Variants in RPTOR observed in about 807,000 individuals in gnomAD.
The protein encoded by RPTOR is regulatory associated protein of MTOR complex 1, also known as regulatory-associated protein of mTOR.
In RPTOR, 21 loss-of-function variants were observed where a neutral mutation model predicts 169.9. The ratio of observed to expected loss-of-function variants is 0.12; its 90% CI spans 0.09 to 0.18. The LOEUF (loss-of-function observed/expected upper bound fraction) is 0.18, where lower values mean the gene tolerates loss of function less well. Ranked by LOEUF, RPTOR falls within the 10% of genes least tolerant of loss-of-function variation. RPTOR has a pLI of 1.00. For missense variants in RPTOR, 1,133 were observed against 1,855.9 expected, an observed-to-expected ratio of 0.61 and a Z score of 7.16; for synonymous variants, 732 against 753.2, an observed-to-expected ratio of 0.97 and a Z score of 0.46.
At chr17:80,907,644 C>G (rs180926640) in intron 20 of RPTOR, among the ~76,000 whole-genome samples, 2 of 143,882 alleles carry the variant, frequency 1.4e-5, no homozygotes, top group Admixed American at 6.9e-5. Flanking sequence ...CCTGCCCCCC[C>G]TTCTGGTTTC....
intron 7 of RPTOR, among the ~76,000 whole-genome samples, chr17:80,817,601 T>G (rs2067337363): frequency 2.7e-5 from 4 of 146,262 alleles, no homozygotes; most frequent in Non-Finnish European, 3.0e-5. Flanking sequence ...GCAGGCAGAG[T>G]GATGGGGCAA....
At chr17:80,937,008 C>T (rs1158573663) in intron 24 of RPTOR, among the ~76,000 whole-genome samples, 2 of 152,216 alleles carry the variant, frequency 1.3e-5, no homozygotes, top group Non-Finnish European at 2.9e-5. Context: ...TCTTCCTCTG[C>T]TGCCTCTGTC....
intron 7 of RPTOR, among the ~76,000 whole-genome samples, chr17:80,816,430 G>C (rs1387363647): frequency 2.6e-5 from 4 of 152,342 alleles, no homozygotes; most frequent in Admixed American, 1.3e-4. Context: ...ACCAGCAGTG[G>C]AGAAGATGGA....
chr17:80,960,381 G>A lies in RPTOR; in HGVS notation c.3605+176G>A, dbSNP rs554609479. On this transcript the variant is annotated intron_variant, in intron 30 of 33. Coordinates refer to ENST00000306801, the MANE Select transcript of RPTOR (RefSeq NM_020761.3). The surrounding 1 kb of genome is among the most constrained non-coding windows in gnomAD (Gnocchi z 4.8). ...TGGGCTCCCCAAAGCCGCCAGGCCC[G>A]TCCCACTGAGGCCCATCCCACAAAG... 2.0e-5 allele frequency among the ~76,000 whole-genome samples: 3 copies of A among 152,316 alleles called. No homozygotes were observed. The highest frequency in any genetic ancestry group is 1.9e-4 in the East Asian group (1 of 5,188).
intron 2 of RPTOR, among the ~76,000 whole-genome samples, chr17:80,629,119 C>G (rs763452711): frequency 6.7e-6 from 1 of 149,362 alleles, no homozygotes; most frequent in Admixed American, 6.6e-5. Context: ...ACTCAGCTCT[C>G]TATGTATTGT....
At position 80,846,457 on chromosome 17, in the gene RPTOR, T is replaced by A; in HGVS notation, c.1213-16T>A. The A allele has an allele frequency of 6.2e-7, 1 of 1,611,952 alleles. No homozygotes were observed. Among genetic ancestry groups the A allele is most frequent in the Non-Finnish European group, 8.5e-7 (1 of 1,178,566 alleles). On this transcript the variant is annotated splice_polypyrimidine_tract_variant and intron_variant, in intron 10 of 33. Coordinates refer to ENST00000306801, the MANE Select transcript of RPTOR (RefSeq NM_020761.3). The stretch of plus-strand genomic sequence containing the variant: ...GAACATGGCCCTAACAAGCACCTGT[T>A]CTGCTTGCCCCGCAGCACAGCCCGT...
At chr17:80,588,023 G>C (rs1568321626) in intron 1 of RPTOR, among the ~76,000 whole-genome samples, 1 of 151,976 alleles carries the variant, frequency 6.6e-6, no homozygotes, top group African/African-American at 2.4e-5. Context: ...ATCATGTGGT[G>C]TTTGTCCTTC....
At chr17:80,819,587 A>G (rs2067358634) in intron 7 of RPTOR, among the ~76,000 whole-genome samples, 1 of 152,164 alleles carries the variant, frequency 6.6e-6, no homozygotes. Context: ...CTTCCGGTTT[A>G]GGTATGGTTG....
At chr17:80,853,231 C>T (rs2067813405) in intron 11 of RPTOR, among the ~76,000 whole-genome samples, 1 of 152,178 alleles carries the variant, frequency 6.6e-6, no homozygotes, top group Non-Finnish European at 1.5e-5. Context: ...CGGCCCCTCC[C>T]CCATCACTGA....
At chr17:80,799,757 G>A (rs899209654) in intron 7 of RPTOR, among the ~76,000 whole-genome samples, 7 of 149,680 alleles carry the variant, frequency 4.7e-5, no homozygotes, top group African/African-American at 9.9e-5. Flanking sequence ...CCTCCCCAGC[G>A]GCCGCCCTGC....
intron 24 of RPTOR, among the ~76,000 whole-genome samples, chr17:80,937,733 T>C (rs1246726716): frequency 1.3e-5 from 2 of 152,218 alleles, no homozygotes; most frequent in Non-Finnish European, 2.9e-5. Context: ...ACAGAGCCGA[T>C]GATGAAGAGC....
At chr17:80,907,545 G>A (rs952130741) in intron 20 of RPTOR, among the ~76,000 whole-genome samples, 5 of 152,230 alleles carry the variant, frequency 3.3e-5, no homozygotes, top group African/African-American at 1.2e-4. Context: ...CCAGCGTGGC[G>A]TGGACAACAG....
intron 13 of RPTOR, chr17:80,858,228 G>C: frequency 3.0e-6 from 1 of 331,754 alleles, no homozygotes; most frequent in South Asian, 3.7e-5. Flanking sequence ...GGCTGTCCCC[G>C]TGCTCCTGAC....
rs149189784 is a variant in RPTOR, at chr17:80,913,788, T to C, written c.2520+4859T>C. The stretch of plus-strand genomic sequence containing the variant: ...TTTTTTTAAGGAAAATTTCAGACTA[T>C]GTAGAAGTAGAAAGAAGAGACTGAT... On this transcript the variant is annotated intron_variant, in intron 21 of 33. Coordinates refer to ENST00000306801, the MANE Select transcript of RPTOR (RefSeq NM_020761.3). 2.6e-5 allele frequency among the ~76,000 whole-genome samples: 4 copies of C among 152,120 alleles called. No individual in the cohort carries two copies. The East Asian group carries it at 5.8e-4, about 22-fold the overall frequency.
At chr17:80,683,446 C>T (rs2065913130) in intron 3 of RPTOR, among the ~76,000 whole-genome samples, 1 of 152,178 alleles carries the variant, frequency 6.6e-6, no homozygotes, top group African/African-American at 2.4e-5. Flanking sequence ...GGCGTCCCCA[C>T]ATTTCTCCGC....
intron 6 of RPTOR, among the ~76,000 whole-genome samples, chr17:80,761,903 A>G (rs555306488): frequency 2.0e-5 from 3 of 152,288 alleles, no homozygotes; most frequent in South Asian, 2.1e-4. Context: ...CTTTTGTAGT[A>G]TCCCACTCTG....
chr17:80,917,680 T>C lies in RPTOR; in HGVS notation c.2521-5044T>C, dbSNP rs570686868. Reference sequence around the variant, plus strand: ...ATCTCAGCCGATCTGCATATAGATATTCTGATTTCTTTTTAACCTCGTCAA... The same window carrying C: ...ATCTCAGCCGATCTGCATATAGATACTCTGATTTCTTTTTAACCTCGTCAA... On this transcript the variant is annotated intron_variant, in intron 21 of 33. Coordinates refer to ENST00000306801, the MANE Select transcript of RPTOR (RefSeq NM_020761.3). 7.2e-5 allele frequency among the ~76,000 whole-genome samples: 11 copies of C among 152,302 alleles called. No individual in the cohort carries two copies. In the East Asian group the frequency reaches 1.7e-3, roughly 24 times the overall value.
intron 1 of RPTOR, among the ~76,000 whole-genome samples, chr17:80,586,489 G>A (rs1019686786): frequency 1.3e-5 from 2 of 152,156 alleles, no homozygotes; most frequent in East Asian, 1.9e-4. Flanking sequence ...AAGTAACAAA[G>A]AATTAAAAGG....
At chr17:80,770,938 C>G (rs975276479) in intron 6 of RPTOR, among the ~76,000 whole-genome samples, 2 of 152,252 alleles carry the variant, frequency 1.3e-5, no homozygotes, top group African/African-American at 2.4e-5. Context: ...CTTCTCCCAG[C>G]ATACAGCGTG....
Sources: gnomAD v4.1 joint callset for allele counts (sites outside exome capture counted in the v4.1 genomes callset) on GRCh38, gnomAD v4.1.1 for gene constraint, Gnocchi (gnomAD v3.1) non-coding constraint, MANE v1.5 for transcripts, NCBI Gene and HGNC (gene_info 2026-07-23, HGNC 2026-07-21) for gene names.